The following PACRG variants were observed in gnomAD, a reference collection of about 807,000 sequenced individuals.
The protein encoded by PACRG is parkin coregulated gene protein.
PACRG carries 29 observed loss-of-function variants against 29.7 expected under a neutral mutation model. The ratio of observed to expected loss-of-function variants is 0.98; its 90% CI spans 0.73 to 1.33. The LOEUF is 1.33. Among genes scored for constraint, PACRG ranks in the 40% most tolerant of loss-of-function variants. The pLI is 0.00. For synonymous variants in PACRG, 116 were observed against 118.7 expected (o/e 0.98, Z 0.15); for missense variants, 279 against 316.2 (o/e 0.88, Z 0.89).
intron 2 of PACRG, among the ~76,000 whole-genome samples, chr6:162,828,252 T>C (rs1022926645): frequency 6.6e-6 from 1 of 152,240 alleles, no homozygotes; most frequent in Admixed American, 6.5e-5. Context: ...TCTTATAGAA[T>C]GTAGTTTGCA....
chr6:162,824,275 C>T (rs1788090578), intron 2 of PACRG, among the ~76,000 whole-genome samples: 1 of 152,100 alleles, frequency 6.6e-6, no homozygotes. Flanking sequence ...TCCCTCCCGC[C>T]CCCACCATCA....
intron 2 of PACRG, among the ~76,000 whole-genome samples, chr6:162,839,686 G>A (rs1416747138): frequency 1.3e-5 from 2 of 152,110 alleles, no homozygotes; most frequent in African/African-American, 4.8e-5. Flanking sequence ...TGTCCTGAAT[G>A]GTATTGCCTA....
intron 1 of PACRG, among the ~76,000 whole-genome samples, chr6:162,797,350 C>T (rs1368261939): frequency 6.6e-6 from 1 of 152,148 alleles, no homozygotes; most frequent in Non-Finnish European, 1.5e-5. Context: ...GGGCACTTTT[C>T]CTGGAAATAT....
intron 4 of PACRG, among the ~76,000 whole-genome samples, chr6:163,227,653 C>T (rs1294069410): frequency 6.6e-6 from 1 of 152,188 alleles, no homozygotes; most frequent in Non-Finnish European, 1.5e-5. Context: ...CAGCTTTATA[C>T]TGATGGGGAC....
intron 2 of PACRG, among the ~76,000 whole-genome samples, chr6:163,003,321 A>T (rs1322919330): frequency 6.6e-6 from 1 of 152,150 alleles, no homozygotes; most frequent in African/African-American, 2.4e-5. Flanking sequence ...GGGAAAGAAT[A>T]CCATAAAGCT....
At position 163,253,432 on chromosome 6, in the gene PACRG, G is replaced by A. The variant is rs73601561; in HGVS notation, c.614-61395G>A. On this transcript the variant is annotated intron_variant, in intron 4 of 4. Transcript: ENST00000366888. ...GGTTGGAATCCAAAGGCATTTTAAAGTTTCAGAACAAATTAAACTTTTTAA... is the reference window on the plus strand; with the variant it reads ...GGTTGGAATCCAAAGGCATTTTAAAATTTCAGAACAAATTAAACTTTTTAA... Among the ~76,000 whole-genome samples, 818 of 152,068 alleles carry A rather than the reference G, an allele frequency of 5.4e-3. 12 individuals carry two copies. Among genetic ancestry groups the A allele is most frequent in the African/African-American group, 0.019 (768 of 41,488 alleles).
At chr6:163,138,901 T>C (rs1297884062) in intron 4 of PACRG, among the ~76,000 whole-genome samples, 2 of 152,250 alleles carry the variant, frequency 1.3e-5, no homozygotes, top group Non-Finnish European at 2.9e-5. Context: ...TAGCTTTGTC[T>C]TTTGTTCCAT....
At chr6:163,129,446 A>C (rs1482802959) in intron 4 of PACRG, among the ~76,000 whole-genome samples, 1 of 152,214 alleles carries the variant, frequency 6.6e-6, no homozygotes, top group Non-Finnish European at 1.5e-5. Flanking sequence ...TGCAGCCCTC[A>C]CCATCAGGGC....
intron 1 of PACRG, among the ~76,000 whole-genome samples, chr6:162,737,914 A>G (rs1780288926): frequency 6.6e-6 from 1 of 152,132 alleles, no homozygotes; most frequent in Non-Finnish European, 1.5e-5. Context: ...TCACTAACCA[A>G]TGTTTTCACT....
At chr6:162,898,186 C>T (rs928403527) in intron 2 of PACRG, among the ~76,000 whole-genome samples, 1 of 152,088 alleles carries the variant, frequency 6.6e-6, no homozygotes, top group Admixed American at 6.5e-5. Context: ...TAGCCTCAGC[C>T]GCGAGCACAG....
chr6:162,912,572 CTTT>C (rs745997012), intron 2 of PACRG, among the ~76,000 whole-genome samples: 4 of 137,026 alleles, frequency 2.9e-5, no homozygotes, highest in Admixed American at 1.5e-4. Flanking sequence ...ATATTATATT[CTTT>C]TTTTTTTTTT....
intron 4 of PACRG, among the ~76,000 whole-genome samples, chr6:163,201,008 G>A (rs1450354880): frequency 1.3e-5 from 2 of 152,226 alleles, no homozygotes; most frequent in South Asian, 2.1e-4. Flanking sequence ...AGCAGTTCAG[G>A]TCTCTTCACA....
chr6:162,849,172 G>C (rs148591881), intron 2 of PACRG, among the ~76,000 whole-genome samples: 754 of 152,202 alleles, frequency 5.0e-3, no homozygotes, highest in Admixed American at 7.9e-3. Context: ...GTACATTGGC[G>C]TGCAAAAAGA....
At chr6:163,002,549 C>T (rs1804683586) in intron 2 of PACRG, among the ~76,000 whole-genome samples, 1 of 152,094 alleles carries the variant, frequency 6.6e-6, no homozygotes, top group Non-Finnish European at 1.5e-5. Context: ...CTTGGCATTG[C>T]CCACAGTGCC....
intron 2 of PACRG, among the ~76,000 whole-genome samples, chr6:162,889,808 A>G (rs1024513608): frequency 1.3e-5 from 2 of 152,196 alleles, no homozygotes; most frequent in African/African-American, 4.8e-5. Context: ...CATACTTCAT[A>G]CTCATTAAAT....
chr6:162,831,059 A>G (rs993563508), intron 2 of PACRG, among the ~76,000 whole-genome samples: 1 of 152,122 alleles, frequency 6.6e-6, no homozygotes, highest in African/African-American at 2.4e-5. Context: ...AATCCCATAG[A>G]TTATTGTTAT....
chr6:163,098,446 T>A (rs924998639), intron 4 of PACRG, among the ~76,000 whole-genome samples: 4 of 152,208 alleles, frequency 2.6e-5, no homozygotes, highest in Non-Finnish European at 4.4e-5. Context: ...AGAGGGCTCG[T>A]CCCTCCGATT....
chr6:163,264,595 C>G lies in PACRG; in HGVS notation c.614-50232C>G, dbSNP rs75969023. 2.6e-3 allele frequency among the ~76,000 whole-genome samples: 397 copies of G among 152,254 alleles called. 3 individuals carry two copies. Among genetic ancestry groups the G allele is most frequent in the African/African-American group, 9.2e-3 (382 of 41,540 alleles). ...AAACAAGATCTGGGCTGGGCCTAGA[C>G]AGAGATTGGTGGGGCAGCTGAGGTG... On this transcript the variant is annotated intron_variant, in intron 4 of 4. Coordinates refer to ENST00000366888, the MANE Select transcript of PACRG (RefSeq NM_001080379.2).
intron 3 of PACRG, among the ~76,000 whole-genome samples, chr6:163,076,326 C>A (rs1032413223): frequency 1.3e-5 from 2 of 152,194 alleles, no homozygotes; most frequent in Non-Finnish European, 1.5e-5. Flanking sequence ...GCAGAGCTTA[C>A]ATGCAAATTT....
Sources: allele counts gnomAD v4.1 joint callset (sites outside exome capture counted in the v4.1 genomes callset), GRCh38; gene constraint gnomAD v4.1.1; transcripts MANE v1.5; gene names NCBI Gene and HGNC (gene_info 2026-07-23, HGNC 2026-07-21).